SLC2A9: variants seen among roughly 807,000 people sequenced by gnomAD.
The protein encoded by SLC2A9 is solute carrier family 2, facilitated glucose transporter member 9.
Under a neutral mutation model 50.6 loss-of-function variants are expected in SLC2A9, and 39 were observed. That is an observed-to-expected ratio of 0.77 (90% confidence interval 0.60 to 1.01). SLC2A9 has a LOEUF of 1.01. Ranked by LOEUF, SLC2A9 falls within the 50% of genes least tolerant of loss-of-function variation. The pLI is 0.00. For synonymous variants in SLC2A9, 324 were observed against 276.9 expected (o/e 1.17, Z -1.69); for missense variants, 686 against 677.6 (o/e 1.01, Z -0.14).
At chr4:9,940,713 T>C (rs1240929319) in intron 6 of SLC2A9, among the ~76,000 whole-genome samples, 1 of 152,222 alleles carries the variant, frequency 6.6e-6, no homozygotes, top group Non-Finnish European at 1.5e-5. Context: ...AGAAATGTTA[T>C]AAATGAGAAA....
At chr4:9,803,763 GGT>G (rs1721766998) in intron 3 of SLC2A9, among the ~76,000 whole-genome samples, 1 of 152,146 alleles carries the variant, frequency 6.6e-6, no homozygotes. Context: ...CTTTAATTAT[GGT>G]GTCCTCAGTG....
intron 3 of SLC2A9, among the ~76,000 whole-genome samples, chr4:9,808,838 C>G (rs1267755594): frequency 6.6e-6 from 1 of 152,166 alleles, no homozygotes; most frequent in African/African-American, 2.4e-5. Context: ...GTCACAGCTG[C>G]CCTGCACAAC....
intron 5 of SLC2A9, among the ~76,000 whole-genome samples, chr4:9,946,182 T>G (rs1015251347): frequency 6.6e-6 from 1 of 152,146 alleles, no homozygotes; most frequent in African/African-American, 2.4e-5. Flanking sequence ...AAGGATAGTC[T>G]TGTCAGCCAA....
At chr4:9,783,622 G>A in intron 3 of SLC2A9, 1 of 723,562 alleles carries the variant, frequency 1.4e-6, no homozygotes, top group Non-Finnish European at 2.3e-6. Flanking sequence ...TTGATTGGTA[G>A]TTCGAAGAAT....
downstream of SLC2A9, among the ~76,000 whole-genome samples, chr4:9,823,683 C>T (rs775505057): frequency 3.9e-5 from 6 of 152,098 alleles, no homozygotes; most frequent in Admixed American, 1.3e-4. Context: ...ATTTGTGGTA[C>T]AAGTGTGTGG....
At position 9,978,245 on chromosome 4, in the gene SLC2A9, G is replaced by A. The variant is rs1755134462; in HGVS notation, c.681+2347C>T. Among the ~76,000 whole-genome samples the A allele has an allele frequency of 2.6e-5, 4 of 152,180 alleles. No homozygotes were observed. In the South Asian group the frequency reaches 8.3e-4, roughly 32 times the overall value. ...AAGAAAGACGTGGGCTGTACCTGAT[G>A]TGCTCAAAGCTGTAGCTCCAGAATC... is the stretch of plus-strand genomic sequence containing the variant. On this transcript the variant is annotated intron_variant, in intron 5 of 11. Coordinates refer to ENST00000264784, the MANE Select transcript of SLC2A9 (RefSeq NM_020041.3).
chr4:9,810,681 G>T (rs1431291412), intron 3 of SLC2A9, among the ~76,000 whole-genome samples: 1 of 152,250 alleles, frequency 6.6e-6, no homozygotes, highest in Non-Finnish European at 1.5e-5. Context: ...TCAGAAAGCT[G>T]CTGAGGGATT....
chr4:9,978,050 T>G (rs1056592042), intron 5 of SLC2A9, among the ~76,000 whole-genome samples: 1 of 152,220 alleles, frequency 6.6e-6, no homozygotes, highest in Non-Finnish European at 1.5e-5. Context: ...CACGGTGTCC[T>G]AGGATATGCT....
chr4:9,900,543 G>A (rs908517892), intron 8 of SLC2A9, among the ~76,000 whole-genome samples: 2 of 152,116 alleles, frequency 1.3e-5, no homozygotes, highest in Admixed American at 1.3e-4. Context: ...GCTTGGGGAT[G>A]CTGGGGCACT....
At position 9,826,228 on chromosome 4, in the gene SLC2A9, A is replaced by AT. The variant is rs1390609216; in HGVS notation, c.*168dup. 2 of 667,130 alleles carry AT rather than the reference A, an allele frequency of 3.0e-6. No individual in the cohort carries two copies. Among genetic ancestry groups the AT allele is most frequent in the African/African-American group, 3.6e-5 (2 of 54,990 alleles). 41.3% of individuals were successfully genotyped at this position (667,130 alleles called of 1,614,324 possible). ...AATGCTAACACAGTTGCAATGTTAG[A>AT]TTAGTACAGGTTTACTTTTAAATAT... On this transcript the variant is annotated 3_prime_UTR_variant, in exon 12 of 12. Transcript: ENST00000264784.
Position 10,021,380 on chromosome 4 carries a change from A to AG in SLC2A9, c.49dup (p.Leu17ProfsTer4). ...CCCGGCGTGGCTGGTGTCATCTGTG[A>AG]GGGGAACTAGGCCCAGTTCCTTGGA... On this transcript the variant is annotated frameshift_variant, in exon 1 of 12. Coordinates refer to ENST00000264784, the MANE Select transcript of SLC2A9 (RefSeq NM_020041.3). LOFTEE classifies it high-confidence loss of function. The AG allele has an allele frequency of 6.2e-7, 1 of 1,614,154 alleles. No individual in the cohort carries two copies. The highest frequency in any genetic ancestry group is 8.5e-7 in the Non-Finnish European group (1 of 1,180,006).
chr4:9,929,263 C>T lies in SLC2A9; in HGVS notation c.815-8691G>A, dbSNP rs192179921. Among the ~76,000 whole-genome samples, 11 of 152,330 alleles carry T rather than the reference C, an allele frequency of 7.2e-5. No homozygotes were observed. In the South Asian group the frequency reaches 1.5e-3, roughly 20 times the overall value. On this transcript the variant is annotated intron_variant, in intron 6 of 11. Coordinates refer to ENST00000264784, the MANE Select transcript of SLC2A9 (RefSeq NM_020041.3). ...CATGGGCAGTGACACTGGATGCCCT[C>T]GCAGCAGAGCCTGAGACACATGCTG...
At chr4:9,881,278 G>A (rs1428249487) in intron 10 of SLC2A9, among the ~76,000 whole-genome samples, 1 of 152,224 alleles carries the variant, frequency 6.6e-6, no homozygotes, top group East Asian at 1.9e-4. Context: ...CCAAGATTAT[G>A]TCTTGGTTGG....
At chr4:9,859,896 C>A (rs1443325411) in intron 10 of SLC2A9, among the ~76,000 whole-genome samples, 1 of 152,152 alleles carries the variant, frequency 6.6e-6, no homozygotes, top group Non-Finnish European at 1.5e-5. Context: ...GCGGCCTCTG[C>A]AAGGCCGAAC....
intron 5 of SLC2A9, among the ~76,000 whole-genome samples, chr4:9,960,566 G>A (rs1752106319): frequency 6.6e-6 from 1 of 152,230 alleles, no homozygotes; most frequent in African/African-American, 2.4e-5. Flanking sequence ...GGCACCCACA[G>A]CATGTGAAAA....
chr4:9,994,801 G>A (rs1395637766), intron 3 of SLC2A9, among the ~76,000 whole-genome samples: 3 of 151,870 alleles, frequency 2.0e-5, no homozygotes, highest in Non-Finnish European at 4.4e-5. Context: ...AGCAGCCTTG[G>A]GGTATAAATG....
intron 3 of SLC2A9, among the ~76,000 whole-genome samples, chr4:9,785,881 A>C (rs565076147): frequency 1.3e-5 from 2 of 152,326 alleles, no homozygotes; most frequent in South Asian, 4.1e-4. Context: ...TTGCAAAAAA[A>C]CCCAGGGTGA....
intron 9 of SLC2A9, among the ~76,000 whole-genome samples, 184 bp downstream of exon 9, chr4:9,890,426 C>T (rs1737159781): frequency 6.6e-6 from 1 of 152,130 alleles, no homozygotes; most frequent in African/African-American, 2.4e-5. Context: ...GTCCAAGGAC[C>T]CCTCACCAAA....
At chr4:9,926,466 T>C (rs1744926088) in intron 6 of SLC2A9, among the ~76,000 whole-genome samples, 1 of 150,744 alleles carries the variant, frequency 6.6e-6, no homozygotes, top group Non-Finnish European at 1.5e-5. Flanking sequence ...ATAAACATAA[T>C]AGCATTGGTG....
Sources: gnomAD v4.1 joint callset for allele counts (sites outside exome capture counted in the v4.1 genomes callset) on GRCh38, gnomAD v4.1.1 for gene constraint, MANE v1.5 for transcripts, NCBI Gene and HGNC (gene_info 2026-07-23, HGNC 2026-07-21) for gene names.